NCAM2: variants seen among roughly 807,000 people sequenced by gnomAD.
NCAM2 encodes the protein neural cell adhesion molecule 2, also known as N-CAM-2.
NCAM2 carries 30 observed loss-of-function variants against 98.1 expected under a neutral mutation model. The observed-to-expected ratio is 0.31, with a 90% CI of 0.23 to 0.41. NCAM2 has a LOEUF of 0.41. NCAM2 is among the 10% of genes least tolerant of loss of function. The probability of loss-of-function intolerance (pLI) is 1.00; values close to 1 mark genes in which losing one functional copy is unlikely to be tolerated. For synonymous variants in NCAM2, 368 were observed against 342.4 expected (o/e 1.07, Z -0.83); for missense variants, 867 against 1,005.8 (o/e 0.86, Z 1.87).
chr21:21,066,990 T>C (rs983750815), intron 1 of NCAM2, among the ~76,000 whole-genome samples: 7 of 152,056 alleles, frequency 4.6e-5, no homozygotes, highest in African/African-American at 1.7e-4. Flanking sequence ...GTTATATTGC[T>C]ACTGGAAATC....
chr21:21,462,462 C>T (rs1385517626), intron 12 of NCAM2, among the ~76,000 whole-genome samples: 1 of 151,812 alleles, frequency 6.6e-6, no homozygotes, highest in East Asian at 1.9e-4. Flanking sequence ...TCTTGACAGC[C>T]AACAGGAAGT....
At chr21:21,297,143 A>G (rs1485666348) in intron 5 of NCAM2, among the ~76,000 whole-genome samples, 1 of 151,766 alleles carries the variant, frequency 6.6e-6, no homozygotes, top group African/African-American at 2.4e-5. Flanking sequence ...GGACAATATT[A>G]AGGAATATTA....
At chr21:21,074,813 G>A (rs548986363) in intron 1 of NCAM2, among the ~76,000 whole-genome samples, 1 of 142,884 alleles carries the variant, frequency 7.0e-6, no homozygotes, top group Admixed American at 7.0e-5. Flanking sequence ...AAACTATGAA[G>A]GTCATGTCTC....
At chr21:21,078,307 T>C (rs2065722260) in intron 1 of NCAM2, among the ~76,000 whole-genome samples, 1 of 152,244 alleles carries the variant, frequency 6.6e-6, no homozygotes, top group Non-Finnish European at 1.5e-5. Flanking sequence ...TAGTTCATTT[T>C]ATTAATTATC....
chr21:21,346,884 G>A (rs1415102717), intron 8 of NCAM2, among the ~76,000 whole-genome samples: 3 of 151,918 alleles, frequency 2.0e-5, no homozygotes, highest in Non-Finnish European at 4.4e-5. Flanking sequence ...GCAGTAGTAA[G>A]AGGGAAGTTT....
intron 8 of NCAM2, among the ~76,000 whole-genome samples, chr21:21,348,180 T>G (rs1197054255): frequency 6.6e-6 from 1 of 152,126 alleles, no homozygotes; most frequent in Non-Finnish European, 1.5e-5. Flanking sequence ...ATTATCCTTG[T>G]TTTTAGATGA....
At chr21:21,448,389 T>C (rs547243052) in intron 12 of NCAM2, among the ~76,000 whole-genome samples, 76 of 151,794 alleles carry the variant, frequency 5.0e-4, no homozygotes, top group Non-Finnish European at 9.9e-4. Flanking sequence ...CCAGGGCCTG[T>C]TGAGTGTGTG....
At chr21:21,434,207 G>A (rs2077418117) in intron 12 of NCAM2, among the ~76,000 whole-genome samples, 1 of 152,162 alleles carries the variant, frequency 6.6e-6, no homozygotes, top group African/African-American at 2.4e-5. Flanking sequence ...ACAGAAATTA[G>A]AACATTCAGA....
At chr21:20,999,251 A>G (rs540434601) in intron 1 of NCAM2, among the ~76,000 whole-genome samples, 3 of 152,284 alleles carry the variant, frequency 2.0e-5, no homozygotes, top group Non-Finnish European at 4.4e-5. Flanking sequence ...CCAACCCCTT[A>G]TTAATACAGA....
intron 1 of NCAM2, among the ~76,000 whole-genome samples, chr21:21,118,772 C>T (rs1038969451): frequency 3.3e-5 from 5 of 152,022 alleles, no homozygotes; most frequent in Admixed American, 6.6e-5. Flanking sequence ...TTTACATTAT[C>T]GGAGTTAGGA....
intron 8 of NCAM2, among the ~76,000 whole-genome samples, chr21:21,368,241 A>G (rs2075833508): frequency 6.6e-6 from 1 of 151,928 alleles, no homozygotes; most frequent in South Asian, 2.1e-4. Flanking sequence ...TTTTATACCT[A>G]AAGGGTCTGT....
chr21:21,318,486 T>G (rs2074283738), intron 5 of NCAM2, among the ~76,000 whole-genome samples: 1 of 152,164 alleles, frequency 6.6e-6, no homozygotes, highest in African/African-American at 2.4e-5. Flanking sequence ...CATCTAGTGA[T>G]GGATTAGCTT....
rs150735365 is a variant in NCAM2, at chr21:21,179,384, G to A, written c.56-101194G>A. Among the ~76,000 whole-genome samples the A allele has an allele frequency of 2.1e-3, 320 of 152,064 alleles. 3 individuals carry two copies. The highest frequency in any genetic ancestry group is 2.0e-3 in the Non-Finnish European group (133 of 67,972). On this transcript the variant is annotated intron_variant, in intron 1 of 17. Transcript: ENST00000400546. ...AAGCAGTACAAAGTCGAGTATACCC[G>A]AAACAAATTGAATGTTTTGCCTAGA...
chr21:21,033,711 C>T (rs780371384), intron 1 of NCAM2, among the ~76,000 whole-genome samples: 3 of 152,068 alleles, frequency 2.0e-5, no homozygotes, highest in Non-Finnish European at 4.4e-5. Flanking sequence ...CAGAGCTGCC[C>T]TCAGAAAGAA....
At chr21:21,380,362 A>T (rs2076127594) in intron 9 of NCAM2, among the ~76,000 whole-genome samples, 1 of 152,196 alleles carries the variant, frequency 6.6e-6, no homozygotes, top group Non-Finnish European at 1.5e-5. Context: ...TGAGACACAT[A>T]AACATTTATA....
At chr21:21,302,885 T>C (rs7280699) in intron 5 of NCAM2, among the ~76,000 whole-genome samples, 63,513 of 151,660 alleles carry the variant, frequency 0.42, 14,481 homozygotes, top group Non-Finnish European at 0.53. Flanking sequence ...ATAAATAAAA[T>C]GTATTACATA....
intron 1 of NCAM2, among the ~76,000 whole-genome samples, chr21:21,068,250 AT>A (rs1411424007): frequency 6.9e-6 from 1 of 144,226 alleles, no homozygotes; most frequent in Non-Finnish European, 1.5e-5. Context: ...CTCCTGCCTC[AT>A]CCTCTAGAGT....
chr21:21,011,312 G>A (rs538099172), intron 1 of NCAM2, among the ~76,000 whole-genome samples: 9 of 152,032 alleles, frequency 5.9e-5, no homozygotes, highest in Admixed American at 5.9e-4. Context: ...AGGAATATCT[G>A]ATTCTAAAAT....
chr21:21,298,474 G>T (rs541440971), intron 5 of NCAM2, among the ~76,000 whole-genome samples: 3 of 151,528 alleles, frequency 2.0e-5, no homozygotes, highest in Non-Finnish European at 4.4e-5. Context: ...TAAATTTCAA[G>T]AATAGGCAAT....
Sources: allele counts gnomAD v4.1 joint callset (sites outside exome capture counted in the v4.1 genomes callset), GRCh38; gene constraint gnomAD v4.1.1; transcripts MANE v1.5; gene names NCBI Gene and HGNC (gene_info 2026-07-23, HGNC 2026-07-21).